The following CCDC171 variants were observed in gnomAD, a reference collection of about 807,000 sequenced individuals.
CCDC171 encodes coiled-coil domain-containing protein 171.
A neutral mutation model predicts 168.2 loss-of-function variants in CCDC171; 177 were observed. The observed-to-expected ratio is 1.05, with a 90% CI of 0.93 to 1.19. The LOEUF (loss-of-function observed/expected upper bound fraction) is 1.19. CCDC171 is among the 50% of genes most tolerant of loss of function. CCDC171 has a pLI of 0.00. For missense variants in CCDC171, 1,991 were observed against 1,539.0 expected (o/e 1.29, Z -4.91); for synonymous variants, 687 against 540.8 (o/e 1.27, Z -3.75).
intron 7 of CCDC171, among the ~76,000 whole-genome samples, chr9:15,652,054 G>A (rs1202976328): frequency 2.0e-5 from 3 of 152,038 alleles, no homozygotes; most frequent in African/African-American, 4.8e-5. Context: ...GACCATAAGT[G>A]TGCCTCACCA....
chr9:15,975,909 G>T (rs567108890), downstream of CCDC171, among the ~76,000 whole-genome samples: 87 of 152,262 alleles, frequency 5.7e-4, no homozygotes, highest in Non-Finnish European at 1.0e-3. Flanking sequence ...TCCTGGATTA[G>T]CTGGGTGTGC....
chr9:15,734,495 G>A (rs894638647), intron 16 of CCDC171, among the ~76,000 whole-genome samples: 18 of 152,174 alleles, frequency 1.2e-4, no homozygotes, highest in Middle Eastern at 3.4e-3. Flanking sequence ...CCGAGATTGC[G>A]CCATTTCACT....
intron 7 of CCDC171, among the ~76,000 whole-genome samples, chr9:15,627,252 C>T (rs1415831845): frequency 6.6e-6 from 1 of 152,064 alleles, no homozygotes; most frequent in East Asian, 1.9e-4. Context: ...TTTTGTTGAT[C>T]TTTTCAAAAA....
intron 24 of CCDC171, among the ~76,000 whole-genome samples, chr9:15,878,623 A>G (rs932076000): frequency 6.6e-6 from 1 of 152,210 alleles, no homozygotes; most frequent in Admixed American, 6.5e-5. Context: ...CACTCCCATT[A>G]CTGAGTATGT....
At chr9:15,806,199 T>G (rs532684675) in intron 21 of CCDC171, among the ~76,000 whole-genome samples, 2 of 152,330 alleles carry the variant, frequency 1.3e-5, no homozygotes, top group East Asian at 3.9e-4. Flanking sequence ...CTTGCCACTC[T>G]GTGTCTTTCA....
chr9:15,631,054 C>T (rs1358902170), intron 7 of CCDC171, among the ~76,000 whole-genome samples: 1 of 151,768 alleles, frequency 6.6e-6, no homozygotes, highest in Non-Finnish European at 1.5e-5. Context: ...CACTAAATGC[C>T]CACAAGAGAA....
intron 7 of CCDC171, among the ~76,000 whole-genome samples, chr9:15,637,819 A>G (rs932362915): frequency 6.6e-6 from 1 of 151,932 alleles, no homozygotes; most frequent in African/African-American, 2.4e-5. Flanking sequence ...TTATGGCTGC[A>G]TAGTATTCCA....
At chr9:15,666,602 C>T (rs924195826) in intron 9 of CCDC171, among the ~76,000 whole-genome samples, 12 of 152,050 alleles carry the variant, frequency 7.9e-5, no homozygotes, top group African/African-American at 2.2e-4. Context: ...AGTGATGTAA[C>T]GCAATATCTT....
intron 24 of CCDC171, among the ~76,000 whole-genome samples, chr9:15,905,869 C>A (rs929031126): frequency 2.0e-5 from 3 of 152,156 alleles, no homozygotes; most frequent in Non-Finnish European, 4.4e-5. Flanking sequence ...GAAATACAAA[C>A]TGCCATCAGA....
At chr9:15,896,849 A>G (rs1010461651) in intron 24 of CCDC171, among the ~76,000 whole-genome samples, 9 of 152,074 alleles carry the variant, frequency 5.9e-5, no homozygotes, top group Non-Finnish European at 1.5e-5. Context: ...CACAAACCCT[A>G]ATACATGTAG....
intron 8 of CCDC171, among the ~76,000 whole-genome samples, chr9:15,657,915 C>T (rs929065931): frequency 1.3e-5 from 2 of 152,160 alleles, no homozygotes; most frequent in African/African-American, 4.8e-5. Flanking sequence ...GGGGTTGGCA[C>T]ACTACTGCCC....
chr9:16,085,938 G>A, the CCDC171 span, among the ~76,000 whole-genome samples: 1 of 152,022 alleles, frequency 6.6e-6, no homozygotes, highest in African/African-American at 2.4e-5. Context: ...TTATTGTTAC[G>A]TCTCTGCCAG....
In CCDC171 at chr9:15,819,052, G is replaced by T. The variant is rs1563801439; in HGVS notation, c.3268-27650G>T. ...GGGGCCAATATTCAACATTCTTAAA[G>T]AAAAGAATTTTCAACCCAGAATTTC... On this transcript the variant is annotated intron_variant, in intron 21 of 25. Transcript: ENST00000380701. Among the ~76,000 whole-genome samples, 3 of 116,686 alleles carry T rather than the reference G, an allele frequency of 2.6e-5. 1 individual carries two copies. The South Asian group carries it at 8.5e-4, about 33-fold the overall frequency. 76.6% of individuals were successfully genotyped at this position (116,686 alleles called of 152,430 possible).
At chr9:15,626,361 G>A (rs969431652) in intron 7 of CCDC171, among the ~76,000 whole-genome samples, 12 of 152,274 alleles carry the variant, frequency 7.9e-5, no homozygotes, top group Non-Finnish European at 1.3e-4. Context: ...TTGAATAGGA[G>A]TGGTGAGAGA....
At chr9:15,671,046 C>G (rs2049070368) in intron 9 of CCDC171, among the ~76,000 whole-genome samples, 1 of 152,110 alleles carries the variant, frequency 6.6e-6, no homozygotes, top group African/African-American at 2.4e-5. Flanking sequence ...GAGCTATGAT[C>G]ATGCCACTGT....
At chr9:15,727,318 T>G (rs2053869279) in intron 14 of CCDC171, among the ~76,000 whole-genome samples, 1 of 152,188 alleles carries the variant, frequency 6.6e-6, no homozygotes, top group Non-Finnish European at 1.5e-5. Context: ...CTATAAGTAG[T>G]AAGTAAACTG....
intron 6 of CCDC171, among the ~76,000 whole-genome samples, chr9:15,608,097 C>T (rs903750131): frequency 6.6e-6 from 1 of 152,104 alleles, no homozygotes; most frequent in Non-Finnish European, 1.5e-5. Flanking sequence ...CTCTCTTTCT[C>T]TTCTTGTAAA....
Position 16,055,277 on chromosome 9 carries a change from T to C in CCDC171, n.90-5369T>C, listed in dbSNP as rs150850807. 1.9e-3 allele frequency among the ~76,000 whole-genome samples: 282 copies of C among 152,192 alleles called. 1 individual carries two copies. Among genetic ancestry groups the C allele is most frequent in the African/African-American group, 6.4e-3 (265 of 41,520 alleles). ...TTAGTTCTGAGATGCCCAGAGATGT[T>C]TTGGCAGATGTCTGAGTATGGAGTT... On this transcript the variant is annotated intron_variant and non_coding_transcript_variant, in intron 1 of 1. Transcript: ENST00000478913.
chr9:15,672,914 G>C (rs1193157581), intron 9 of CCDC171, among the ~76,000 whole-genome samples: 4 of 152,114 alleles, frequency 2.6e-5, no homozygotes, highest in Non-Finnish European at 2.9e-5. Context: ...AGCTTGATGG[G>C]GATGGCATTG....
Sources: allele counts gnomAD v4.1 joint callset (sites outside exome capture counted in the v4.1 genomes callset), GRCh38; gene constraint gnomAD v4.1.1; transcripts MANE v1.5; gene names NCBI Gene and HGNC (gene_info 2026-07-23, HGNC 2026-07-21).